The following SLC28A3 variants were observed in gnomAD, a reference collection of about 807,000 sequenced individuals.
SLC28A3 encodes solute carrier family 28 member 3.
A neutral mutation model predicts 84.2 loss-of-function variants in SLC28A3; 68 were observed. That is an observed-to-expected ratio of 0.81 (90% CI 0.66 to 0.99). The LOEUF is 0.99. SLC28A3 is among the 50% of genes least tolerant of loss of function. The pLI, the probability that SLC28A3 is intolerant of heterozygous loss-of-function variation, is 0.00. For synonymous variants in SLC28A3, 267 were observed against 303.6 expected, an observed-to-expected ratio of 0.88 and a Z score of 1.25; for missense variants, 712 against 841.5, an observed-to-expected ratio of 0.85 and a Z score of 1.90.
At chr9:84,316,799 G>A (rs1342519849) in intron 1 of SLC28A3, among the ~76,000 whole-genome samples, 3 of 151,978 alleles carry the variant, frequency 2.0e-5, no homozygotes, top group Non-Finnish European at 2.9e-5. Flanking sequence ...TCAGGTGTTC[G>A]AGACCAGCCT....
rs1824835639 is a variant in SLC28A3, at chr9:84,283,311, G to T, written c.1647+2034C>A. Among the ~76,000 whole-genome samples the T allele has an allele frequency of 2.0e-5, 3 of 152,236 alleles. No homozygotes were observed. The South Asian group carries it at 6.2e-4, about 32-fold the overall frequency. On this transcript the variant is annotated intron_variant, in intron 14 of 17. Transcript: ENST00000376238. The stretch of plus-strand genomic sequence containing the variant: ...CACAGCTCTCCTTGTGTCTGCACAG[G>T]CAAAGATGCCATACGTACAGGATGG...
chr9:84,282,350 G>A (rs1349373615), intron 14 of SLC28A3, among the ~76,000 whole-genome samples: 1 of 152,014 alleles, frequency 6.6e-6, no homozygotes, highest in East Asian at 1.9e-4. Context: ...TGGTTACACA[G>A]GTGACATCAA....
At chr9:84,313,501 GA>G in intron 1 of SLC28A3, 47 bp from the exon 2 acceptor site, 1 of 1,496,544 alleles carries the variant, frequency 6.7e-7, no homozygotes, top group Non-Finnish European at 9.3e-7. Context: ...ACAGCCAAAA[GA>G]CAGATGTTCT....
chr9:84,278,302 G>A lies in SLC28A3; in HGVS notation c.1992C>T (p.Asn664=), dbSNP rs756994145. 2.5e-6 allele frequency: 4 copies of A among 1,614,014 alleles called. No individual in the cohort carries two copies. The South Asian group carries it at 4.4e-5, about 18-fold the overall frequency. Residue 664 remains asparagine (N), a synonymous_variant, in exon 18 of 18, where the codon AAC becomes AAT. Transcript: ENST00000376238. ...KGPGEVIPGG[N]HSLYSLKGCC... Reference sequence around the variant, plus strand: ...AGCCCTTCAAAGAATACAGACTGTGGTTTCCTCCTGGGATGACTTCACCAG... The same window carrying A: ...AGCCCTTCAAAGAATACAGACTGTGATTTCCTCCTGGGATGACTTCACCAG...
intron 8 of SLC28A3, among the ~76,000 whole-genome samples, chr9:84,296,175 A>G (rs556466552): frequency 6.6e-5 from 10 of 152,282 alleles, no homozygotes; most frequent in Non-Finnish European, 1.0e-4. Flanking sequence ...GTATATTTCT[A>G]TCTCACTCTA....
intron 3 of SLC28A3, among the ~76,000 whole-genome samples, chr9:84,305,846 T>G (rs1187701075): frequency 6.6e-6 from 1 of 152,192 alleles, no homozygotes; most frequent in Non-Finnish European, 1.5e-5. Flanking sequence ...ATGGACCTCA[T>G]GGGGTGTGCT....
At chr9:84,360,913 A>AAAT in the SLC28A3 span, among the ~76,000 whole-genome samples, 28 of 152,020 alleles carry the variant, frequency 1.8e-4, no homozygotes, top group African/African-American at 6.3e-4. Context: ...CAAAATAAAT[A>AAAT]AATAATAATA....
intron 1 of SLC28A3, among the ~76,000 whole-genome samples, chr9:84,315,118 A>G (rs2118444742): frequency 6.6e-6 from 1 of 152,282 alleles, no homozygotes; most frequent in South Asian, 2.1e-4. Flanking sequence ...GAAAAAATAT[A>G]CATAGTATGG....
chr9:84,342,657 A>G (rs116755905), upstream of SLC28A3, among the ~76,000 whole-genome samples: 617 of 151,950 alleles, frequency 4.1e-3, 10 homozygotes, highest in African/African-American at 0.014. Flanking sequence ...GGCTCAAGCA[A>G]TCTTCCCACC....
chr9:84,303,532 C>T (rs1825698284), intron 4 of SLC28A3, among the ~76,000 whole-genome samples: 1 of 152,168 alleles, frequency 6.6e-6, no homozygotes, highest in Non-Finnish European at 1.5e-5. Flanking sequence ...GTTGGTTAGG[C>T]TGGTCTTGAA....
intron 2 of SLC28A3, 88 bp from the exon 3 acceptor site, chr9:84,309,802 G>T: frequency 9.3e-7 from 1 of 1,074,242 alleles, no homozygotes; most frequent in African/African-American, 1.6e-5. Context: ...CTCGGGCAAA[G>T]AACTTTCAAT....
chr9:84,356,103 G>C, the SLC28A3 span, among the ~76,000 whole-genome samples: 9 of 152,302 alleles, frequency 5.9e-5, no homozygotes, highest in Admixed American at 3.9e-4. Context: ...ATAGGCATGA[G>C]CCACTGCACC....
At chr9:84,354,908 A>C in the SLC28A3 span, among the ~76,000 whole-genome samples, 2 of 152,122 alleles carry the variant, frequency 1.3e-5, no homozygotes, top group East Asian at 3.8e-4. Context: ...AAAAAAACCT[A>C]AAAAGGGAGA....
intron 1 of SLC28A3, among the ~76,000 whole-genome samples, chr9:84,326,633 AAACAACAACAAC>A (rs34082643): frequency 0.43 from 64,101 of 148,084 alleles, 14,555 homozygotes; most frequent in East Asian, 0.6. Context: ...GATGGATTAA[AAACAACAACAAC>A]AACAACAACA....
At chr9:84,346,926 G>C in the SLC28A3 span, among the ~76,000 whole-genome samples, 1 of 152,120 alleles carries the variant, frequency 6.6e-6, no homozygotes, top group Admixed American at 6.6e-5. Context: ...TGTAATCCCA[G>C]CATTTTGGGA....
chr9:84,307,417 C>T (rs866362255), intron 3 of SLC28A3, among the ~76,000 whole-genome samples: 1 of 124,770 alleles, frequency 8.0e-6, no homozygotes, highest in Non-Finnish European at 1.6e-5. Context: ...GGAGACAGAG[C>T]GAGACTCCAT....
At chr9:84,344,464 C>T (rs1010160022), upstream of SLC28A3, among the ~76,000 whole-genome samples, 1 of 152,114 alleles carries the variant, frequency 6.6e-6, no homozygotes, top group African/African-American at 2.4e-5. Flanking sequence ...GCTGGGATTA[C>T]AGGTGTGAGC....
At chr9:84,288,691 C>G (rs1298612166) in intron 11 of SLC28A3, among the ~76,000 whole-genome samples, 1 of 152,072 alleles carries the variant, frequency 6.6e-6, no homozygotes, top group African/African-American at 2.4e-5. Context: ...ATTACAGGAG[C>G]CCACCACCAC....
intron 1 of SLC28A3, among the ~76,000 whole-genome samples, chr9:84,332,478 C>T (rs1826826328): frequency 6.6e-6 from 1 of 151,970 alleles, no homozygotes; most frequent in South Asian, 2.1e-4. Context: ...ACTGAAGAGG[C>T]TTTTAAAAAT....
Sources: allele counts gnomAD v4.1 joint callset (sites outside exome capture counted in the v4.1 genomes callset), GRCh38; gene constraint gnomAD v4.1.1; transcripts MANE v1.5; gene names NCBI Gene and HGNC (gene_info 2026-07-23, HGNC 2026-07-21).